Variants in IQCM observed in about 807,000 individuals in gnomAD.
The protein encoded by IQCM is IQ motif containing M.
A neutral mutation model predicts 57.6 loss-of-function variants in IQCM; 45 were observed. That is an observed-to-expected ratio of 0.78 (90% confidence interval 0.62 to 1.00). The LOEUF (loss-of-function observed/expected upper bound fraction) is 1.00. Among genes scored for constraint, IQCM ranks in the 50% least tolerant of loss-of-function variants. The pLI, the probability that IQCM is intolerant of heterozygous loss-of-function variation, is 0.00. For missense variants in IQCM, 468 were observed against 511.6 expected (o/e 0.91, Z 0.82); for synonymous variants, 148 against 158.9 (o/e 0.93, Z 0.51).
At chr4:149,758,805 A>G (rs1470606119) in intron 2 of IQCM, among the ~76,000 whole-genome samples, 1 of 152,118 alleles carries the variant, frequency 6.6e-6, no homozygotes, top group East Asian at 1.9e-4. Context: ...TGACCACATC[A>G]AATGCTGACA....
chr4:149,550,716 T>C (rs1022478117), intron 11 of IQCM, among the ~76,000 whole-genome samples: 2 of 152,128 alleles, frequency 1.3e-5, no homozygotes, highest in Non-Finnish European at 2.9e-5. Context: ...AGTGTATAGG[T>C]AACTGCCAAA....
chr4:149,627,697 G>C (rs1178240631), intron 7 of IQCM, among the ~76,000 whole-genome samples: 4 of 152,160 alleles, frequency 2.6e-5, no homozygotes, highest in African/African-American at 9.7e-5. Context: ...TGTTCAGAAA[G>C]AGACCCATGT....
intron 12 of IQCM, among the ~76,000 whole-genome samples, chr4:149,439,960 CTT>C (rs554542262): frequency 1.1e-4 from 15 of 141,574 alleles, no homozygotes; most frequent in Non-Finnish European, 1.2e-4. Flanking sequence ...TGTTGCTATT[CTT>C]TTTTTTTTTT....
At chr4:149,440,818 A>G (rs1475792008) in intron 12 of IQCM, among the ~76,000 whole-genome samples, 1 of 152,076 alleles carries the variant, frequency 6.6e-6, no homozygotes, top group Non-Finnish European at 1.5e-5. Context: ...AACTTTTTAG[A>G]CTTCGTTTTC....
Position 149,714,452 on chromosome 4 carries a change from A to C in IQCM, c.385+18792T>G, listed in dbSNP as rs578119735. On this transcript the variant is annotated intron_variant, in intron 5 of 13. Transcript: ENST00000636793. ...TACTGGTCCTTTCCCATGAACTCCAAATCCAGATATCCAACTCTCTATTCA... is the reference window on the plus strand; with the variant it reads ...TACTGGTCCTTTCCCATGAACTCCACATCCAGATATCCAACTCTCTATTCA... Among the ~76,000 whole-genome samples, 3 of 152,288 alleles carry C rather than the reference A, an allele frequency of 2.0e-5. 1 individual carries two copies. In the South Asian group the frequency reaches 6.2e-4, roughly 32 times the overall value.
intron 10 of IQCM, among the ~76,000 whole-genome samples, chr4:149,557,359 T>C (rs1749690983): frequency 6.6e-6 from 1 of 152,206 alleles, no homozygotes; most frequent in South Asian, 2.1e-4. Flanking sequence ...CTATGTCACT[T>C]GCAAGATGTC....
chr4:149,448,833 C>T (rs1257767028), intron 12 of IQCM, among the ~76,000 whole-genome samples: 1 of 151,730 alleles, frequency 6.6e-6, no homozygotes, highest in African/African-American at 2.4e-5. Flanking sequence ...TGTGGTTAAG[C>T]ACCTTCCCAC....
chr4:149,397,973 G>A (rs925441145), intron 13 of IQCM, among the ~76,000 whole-genome samples: 11 of 151,606 alleles, frequency 7.3e-5, no homozygotes, highest in Non-Finnish European at 1.3e-4. Flanking sequence ...TTTTTGTGTC[G>A]TACCTATGAT....
chr4:149,735,278 A>T, intron 4 of IQCM, 98 bp downstream of exon 4: 1 of 502,546 alleles, frequency 2.0e-6, no homozygotes, highest in East Asian at 3.5e-5. Flanking sequence ...TTTTCTATTT[A>T]TTCTATCATA....
intron 9 of IQCM, 119 bp from the exon 10 acceptor site, chr4:149,564,009 TAGAATTCAATGTA>T: frequency 1.4e-5 from 7 of 493,790 alleles, no homozygotes; most frequent in African/African-American, 2.0e-5. Context: ...AACTTGTACA[TAGAATTCAATGTA>T]TGATATCACC....
At chr4:149,773,351 CAA>C (rs201942246) in intron 2 of IQCM, among the ~76,000 whole-genome samples, 3 of 119,546 alleles carry the variant, frequency 2.5e-5, no homozygotes, top group African/African-American at 3.2e-5. Flanking sequence ...AACTCCGTCT[CAA>C]AAAAAAAAAA....
chr4:149,647,563 C>T lies in IQCM; in HGVS notation c.566-26319G>A, dbSNP rs867289198. On this transcript the variant is annotated intron_variant, in intron 7 of 13. Coordinates refer to ENST00000636793, the MANE Select transcript of IQCM (RefSeq NM_001363507.2). ...CACTGTTGAGAAATCAGTTATTTTACTGTTCTTCCTTTGGAAATAATTTTT... is the reference window on the plus strand; with the variant it reads ...CACTGTTGAGAAATCAGTTATTTTATTGTTCTTCCTTTGGAAATAATTTTT... 1.1e-4 allele frequency among the ~76,000 whole-genome samples: 17 copies of T among 152,028 alleles called. No individual in the cohort carries two copies. In the Middle Eastern group the frequency reaches 0.02, roughly 183 times the overall value.
intron 9 of IQCM, among the ~76,000 whole-genome samples, chr4:149,568,135 G>T (rs1293003182): frequency 6.6e-6 from 1 of 152,108 alleles, no homozygotes; most frequent in Admixed American, 6.6e-5. Context: ...TCCTGTGGTT[G>T]AGTGTCATCA....
At chr4:149,647,199 G>A (rs1758720664) in intron 7 of IQCM, among the ~76,000 whole-genome samples, 1 of 152,018 alleles carries the variant, frequency 6.6e-6, no homozygotes, top group Non-Finnish European at 1.5e-5. Flanking sequence ...CCACTTTTTG[G>A]ATAAACAACT....
At chr4:149,366,353 G>T (rs1306694024) in intron 13 of IQCM, among the ~76,000 whole-genome samples, 1 of 151,762 alleles carries the variant, frequency 6.6e-6, no homozygotes, top group Non-Finnish European at 1.5e-5. Flanking sequence ...TAGAAAGAAA[G>T]AACCCTATTT....
At chr4:149,586,709 A>G (rs2149997699) in intron 9 of IQCM, among the ~76,000 whole-genome samples, 1 of 151,722 alleles carries the variant, frequency 6.6e-6, no homozygotes, top group South Asian at 2.1e-4. Flanking sequence ...TGGCAAATTA[A>G]TTAATGGTTT....
At chr4:149,510,402 T>C (rs1744285997) in intron 12 of IQCM, among the ~76,000 whole-genome samples, 1 of 152,198 alleles carries the variant, frequency 6.6e-6, no homozygotes, top group Non-Finnish European at 1.5e-5. Flanking sequence ...CAAGTATTAT[T>C]TGCAAATCTA....
At chr4:149,358,882 A>ATACT in intron 13 of IQCM, among the ~76,000 whole-genome samples, 3 of 151,508 alleles carry the variant, frequency 2.0e-5, no homozygotes, top group Admixed American at 6.6e-5. Context: ...ATATCATGAG[A>ATACT]CCACAGTGGA....
chr4:149,362,009 T>A (rs1297867664), intron 13 of IQCM, among the ~76,000 whole-genome samples: 1 of 152,128 alleles, frequency 6.6e-6, no homozygotes, highest in Non-Finnish European at 1.5e-5. Flanking sequence ...GGAACCCACC[T>A]CTTGCATCAC....
Sources: gnomAD v4.1 joint callset for allele counts (sites outside exome capture counted in the v4.1 genomes callset) on GRCh38, gnomAD v4.1.1 for gene constraint, MANE v1.5 for transcripts, NCBI Gene and HGNC (gene_info 2026-07-23, HGNC 2026-07-21) for gene names.